Variants in OVCH1 observed in about 807,000 individuals in gnomAD.
OVCH1 encodes the protein ovochymase-1.
Under a neutral mutation model 138.4 loss-of-function variants are expected in OVCH1, and 139 were observed. The ratio of observed to expected loss-of-function variants is 1.00; its 90% CI spans 0.87 to 1.16. The LOEUF is 1.16. Among genes scored for constraint, OVCH1 ranks in the 50% most tolerant of loss-of-function variants. The pLI, the probability that OVCH1 is intolerant of heterozygous loss-of-function variation, is 0.00. For synonymous variants in OVCH1, 453 were observed against 467.8 expected, an observed-to-expected ratio of 0.97 and a Z score of 0.41; for missense variants, 1,367 against 1,357.9, an observed-to-expected ratio of 1.01 and a Z score of -0.11.
chr12:29,475,275 T>A (rs1205920967), intron 13 of OVCH1, 86 bp from the exon 14 acceptor site: 2 of 1,121,346 alleles, frequency 1.8e-6, no homozygotes, highest in Non-Finnish European at 1.2e-6. Context: ...AATTTTCTAA[T>A]CAACTACTTT....
chr12:29,455,734 A>G (rs773203357), intron 19 of OVCH1, among the ~76,000 whole-genome samples: 1 of 152,254 alleles, frequency 6.6e-6, no homozygotes, highest in Non-Finnish European at 1.5e-5. Context: ...TGTAATATTT[A>G]AGATTTCAAG....
intron 25 of OVCH1, 89 bp downstream of exon 25, chr12:29,443,272 A>C: frequency 7.6e-7 from 1 of 1,324,238 alleles, no homozygotes; most frequent in Non-Finnish European, 1.0e-6. Context: ...TGTATGTCAC[A>C]TGTAAGCCAC....
chr12:29,440,030 A>T (rs976381472), intron 25 of OVCH1, among the ~76,000 whole-genome samples: 1 of 152,154 alleles, frequency 6.6e-6, no homozygotes, highest in East Asian at 1.9e-4. Flanking sequence ...TTGGGGTTTT[A>T]TGAGGGCTTC....
intron 3 of OVCH1, among the ~76,000 whole-genome samples, chr12:29,418,321 A>G (rs1213509418): frequency 6.6e-6 from 1 of 152,232 alleles, no homozygotes; most frequent in Non-Finnish European, 1.5e-5. Flanking sequence ...AAAATTGAAC[A>G]TCTCATGCTT....
chr12:29,477,386 TG>T lies in OVCH1; in HGVS notation c.1200del (p.Ser401ValfsTer26), dbSNP rs777746431. ...GCAGTAACGGTAAGCTCAAAGCCACTGCCACTGTCTTCTGTATCAGAAACAA... is the reference window on the plus strand; with the variant it reads ...GCAGTAACGGTAAGCTCAAAGCCACTCCACTGTCTTCTGTATCAGAAACAA... On this transcript the variant is annotated frameshift_variant, in exon 11 of 28. Transcript: ENST00000318184. LOFTEE classifies it high-confidence loss of function. 6.2e-7 allele frequency: 1 copy of T among 1,614,022 alleles called. No individual in the cohort carries two copies. The highest frequency in any genetic ancestry group is 8.5e-7 in the Non-Finnish European group (1 of 1,179,892).
chr12:29,414,737 A>G (rs1242525548), intron 3 of OVCH1, among the ~76,000 whole-genome samples: 1 of 151,384 alleles, frequency 6.6e-6, no homozygotes, highest in East Asian at 1.9e-4. Context: ...CTAGACCTGG[A>G]AAAAAAAAAT....
intron 21 of OVCH1, 65 bp from the exon 22 acceptor site, chr12:29,451,634 A>G (rs1314772231): frequency 3.0e-5 from 38 of 1,273,938 alleles, no homozygotes; most frequent in Middle Eastern, 3.7e-4. Flanking sequence ...ACCAGATTCT[A>G]TCACAAGACT....
intron 8 of OVCH1, among the ~76,000 whole-genome samples, chr12:29,481,741 A>C (rs554899501): frequency 2.0e-5 from 3 of 152,314 alleles, no homozygotes; most frequent in African/African-American, 7.2e-5. Flanking sequence ...TTATCAAAAC[A>C]AAGTGCCTCT....
chr12:29,468,443 A>G (rs7302549), intron 16 of OVCH1, among the ~76,000 whole-genome samples: 6,189 of 152,304 alleles, frequency 0.041, 165 homozygotes, highest in East Asian at 0.069. Flanking sequence ...CTTGGGAAGA[A>G]TAGGTTTGTT....
In OVCH1 at chr12:29,495,462, A is replaced by C. The variant is rs1469545555; in HGVS notation, c.282-5T>G. ...GTTATATTCTTCAGCTGCTTCCTAAAACCAAAGAAAAATGTTTCATAAGTA... is the reference window on the plus strand; with the variant it reads ...GTTATATTCTTCAGCTGCTTCCTAACACCAAAGAAAAATGTTTCATAAGTA... On this transcript the variant is annotated splice_region_variant and splice_polypyrimidine_tract_variant and intron_variant, in intron 3 of 27. Transcript: ENST00000318184. 6.2e-7 allele frequency: 1 copy of C among 1,610,282 alleles called. No homozygotes were observed. Among genetic ancestry groups the C allele is most frequent in the East Asian group, 2.2e-5 (1 of 44,742 alleles).
chr12:29,468,476 G>A (rs1942392548), intron 16 of OVCH1, among the ~76,000 whole-genome samples: 1 of 152,064 alleles, frequency 6.6e-6, no homozygotes, highest in Non-Finnish European at 1.5e-5. Flanking sequence ...TTGCTGTAAG[G>A]CGTCATGGCT....
intron 1 of OVCH1, 102 bp downstream of exon 1, chr12:29,497,521 G>C: frequency 2.9e-6 from 4 of 1,364,740 alleles, no homozygotes; most frequent in Non-Finnish European, 4.0e-6. Flanking sequence ...CTCAGGTGTG[G>C]CTATACCACC....
In OVCH1 at chr12:29,491,085, G is replaced by T. The variant is rs376706220; in HGVS notation, c.550+12C>A. The T allele has an allele frequency of 3.6e-5, 58 of 1,602,438 alleles. No individual in the cohort carries two copies. Among genetic ancestry groups the T allele is most frequent in the Non-Finnish European group, 4.9e-5 (57 of 1,169,938 alleles). On this transcript the variant is annotated intron_variant, in intron 5 of 27. Transcript: ENST00000318184. The stretch of plus-strand genomic sequence containing the variant: ...GCTGGAAGAAGTATTAAGTCATTTT[G>T]GTGTCTCTTACTTTTGGAAATCTTG...
intron 26 of OVCH1, among the ~76,000 whole-genome samples, chr12:29,437,123 C>T (rs182037068): frequency 4.9e-4 from 74 of 152,224 alleles, no homozygotes; most frequent in Admixed American, 1.0e-3. Context: ...CGTTTACAAA[C>T]CTTTAGCTAG....
the OVCH1 span, among the ~76,000 whole-genome samples, chr12:29,405,056 A>AAAAAC: frequency 3.6e-5 from 4 of 112,116 alleles, no homozygotes; most frequent in African/African-American, 1.2e-4. Context: ...AAAAAAAAAA[A>AAAAAC]CAAAAGAAAT....
intron 23 of OVCH1, among the ~76,000 whole-genome samples, chr12:29,445,029 T>A (rs992313454): frequency 6.6e-5 from 10 of 152,076 alleles, no homozygotes; most frequent in African/African-American, 2.4e-4. Context: ...AAAAGTTATC[T>A]TGCAATGAAC....
chr12:29,435,073 A>G lies in OVCH1; in HGVS notation c.3265-1260T>C, dbSNP rs543200180. On this transcript the variant is annotated intron_variant, in intron 26 of 27. Coordinates refer to ENST00000318184, the Ensembl canonical transcript of OVCH1. ...GAAATATAATATTTTTAGCAAGTATATTTGAGCTTTAGCTACATATAACCT... is the reference window on the plus strand; with the variant it reads ...GAAATATAATATTTTTAGCAAGTATGTTTGAGCTTTAGCTACATATAACCT... 3.3e-5 allele frequency among the ~76,000 whole-genome samples: 5 copies of G among 152,380 alleles called. No homozygotes were observed. In the South Asian group the frequency reaches 6.2e-4, roughly 19 times the overall value.
intron 19 of OVCH1, among the ~76,000 whole-genome samples, chr12:29,460,145 A>G (rs1172204814): frequency 5.9e-5 from 9 of 152,214 alleles, no homozygotes; most frequent in African/African-American, 2.2e-4. Context: ...ACAGTTGTAT[A>G]TAACTGAAAA....
exon 26 of OVCH1, chr12:29,439,394 G>T: frequency 6.4e-7 from 1 of 1,552,916 alleles, no homozygotes; most frequent in Non-Finnish European, 8.7e-7. Flanking sequence ...TTTTTAATAT[G>T]TCTTTTGTCA....
Sources: allele counts gnomAD v4.1 joint callset (sites outside exome capture counted in the v4.1 genomes callset), GRCh38; gene constraint gnomAD v4.1.1; transcripts MANE v1.5; gene names NCBI Gene and HGNC (gene_info 2026-07-23, HGNC 2026-07-21).